KCNK13: variants seen among roughly 807,000 people sequenced by gnomAD.
The protein encoded by KCNK13 is potassium channel subfamily K member 13.
Under a neutral mutation model 23.4 loss-of-function variants are expected in KCNK13, and 12 were observed. The ratio of observed to expected loss-of-function variants is 0.51; its 90% CI spans 0.33 to 0.83. KCNK13 has a LOEUF of 0.83. Ranked by LOEUF, KCNK13 falls within the 40% of genes least tolerant of loss-of-function variation. The probability of loss-of-function intolerance (pLI) is 0.02; values close to 1 mark genes in which losing one functional copy is unlikely to be tolerated. For synonymous variants in KCNK13, 231 were observed against 229.5 expected (o/e 1.01, Z -0.06); for missense variants, 463 against 556.3 (o/e 0.83, Z 1.69).
At chr14:90,069,413 A>G (rs1305478365) in intron 1 of KCNK13, among the ~76,000 whole-genome samples, 1 of 152,070 alleles carries the variant, frequency 6.6e-6, no homozygotes, top group Non-Finnish European at 1.5e-5. Context: ...TTGGCTCTGC[A>G]TGGCTGTACT....
chr14:90,083,921 C>A (rs1889241710), intron 1 of KCNK13, among the ~76,000 whole-genome samples: 1 of 152,118 alleles, frequency 6.6e-6, no homozygotes, highest in Non-Finnish European at 1.5e-5. Context: ...GCACACTTGA[C>A]AAAAATCACT....
chr14:90,152,230 G>A lies in KCNK13; in HGVS notation c.335-31881G>A, dbSNP rs144021079. On this transcript the variant is annotated intron_variant, in intron 1 of 1. Coordinates refer to ENST00000282146, the MANE Select transcript of KCNK13 (RefSeq NM_022054.4). The stretch of plus-strand genomic sequence containing the variant: ...TTTCCCTGCACACATTCTCTTGCCC[G>A]CTACCATGTAAGACATGCCTTTGCG... Among the ~76,000 whole-genome samples the A allele has an allele frequency of 3.2e-3, 489 of 152,234 alleles. 3 individuals are homozygous for A. Among genetic ancestry groups the A allele is most frequent in the Non-Finnish European group, 5.0e-3 (343 of 68,020 alleles).
chr14:90,121,746 G>A (rs1889741348), intron 1 of KCNK13, among the ~76,000 whole-genome samples: 1 of 151,980 alleles, frequency 6.6e-6, no homozygotes, highest in Non-Finnish European at 1.5e-5. Flanking sequence ...TTTTGAGACA[G>A]TCTCGCTCTG....
intron 1 of KCNK13, among the ~76,000 whole-genome samples, chr14:90,109,191 G>T (rs1034810056): frequency 7.0e-6 from 1 of 143,428 alleles, no homozygotes. Flanking sequence ...AAAAAAAAAA[G>T]AATCCCTTAT....
intron 1 of KCNK13, among the ~76,000 whole-genome samples, chr14:90,088,988 A>G (rs1057282962): frequency 6.6e-6 from 1 of 152,208 alleles, no homozygotes; most frequent in Non-Finnish European, 1.5e-5. Flanking sequence ...ACGTAAGTCC[A>G]TTAAACCTTT....
At chr14:90,117,041 A>C (rs939532622) in intron 1 of KCNK13, among the ~76,000 whole-genome samples, 7 of 152,200 alleles carry the variant, frequency 4.6e-5, no homozygotes, top group African/African-American at 1.7e-4. Context: ...ATTAACAACA[A>C]TAACTAAGAA....
rs75624308 is a variant in KCNK13 at position 90,128,979 on chromosome 14, C to T, written c.335-55132C>T. On this transcript the variant is annotated intron_variant, in intron 1 of 1. Transcript: ENST00000282146. Reference sequence around the variant, plus strand: ...CCCCGCCCCCTAAGAGGGACCACTACCCTGAACTGGGTAATTATCATTCTT... The same window carrying T: ...CCCCGCCCCCTAAGAGGGACCACTATCCTGAACTGGGTAATTATCATTCTT... 1.2e-4 allele frequency among the ~76,000 whole-genome samples: 19 copies of T among 152,288 alleles called. No homozygotes were observed. The East Asian group carries it at 3.7e-3, about 29-fold the overall frequency.
At chr14:90,130,912 C>T (rs749973555) in intron 1 of KCNK13, among the ~76,000 whole-genome samples, 6 of 152,180 alleles carry the variant, frequency 3.9e-5, no homozygotes, top group African/African-American at 1.4e-4. Context: ...TGGTGGGAAC[C>T]GTATCAGCTT....
chr14:90,079,944 G>A (rs781532367), intron 1 of KCNK13, among the ~76,000 whole-genome samples: 3 of 152,144 alleles, frequency 2.0e-5, no homozygotes, highest in Non-Finnish European at 2.9e-5. Flanking sequence ...AAGTGGAGAA[G>A]GAAACAGGTC....
rs546423368 is a variant in KCNK13, at chr14:90,101,790, C to CAAAAAAAAAAAAAAAAAAAA, written c.334+39254_334+39273dup. On this transcript the variant is annotated intron_variant, in intron 1 of 1. Coordinates refer to ENST00000282146, the MANE Select transcript of KCNK13 (RefSeq NM_022054.4). ...GGGCAACAGAGTGAGACTCCGTCTC[C>CAAAAAAAAAAAAAAAAAAAA]AAAAAAAAAAAAAAAAAAAAAACCT... Among the ~76,000 whole-genome samples, 51 of 55,558 alleles carry CAAAAAAAAAAAAAAAAAAAA rather than the reference C, an allele frequency of 9.2e-4. 2 individuals carry two copies. Among genetic ancestry groups the CAAAAAAAAAAAAAAAAAAAA allele is most frequent in the African/African-American group, 2.0e-3 (31 of 15,150 alleles). 36.4% of individuals were successfully genotyped at this position (55,558 alleles called of 152,430 possible).
At chr14:90,172,928 C>T (rs962893100) in intron 1 of KCNK13, among the ~76,000 whole-genome samples, 3 of 152,202 alleles carry the variant, frequency 2.0e-5, no homozygotes, top group African/African-American at 7.2e-5. Flanking sequence ...GTGAAACCCA[C>T]TGCCCTTGCA....
rs773428768 is a variant in KCNK13, at chr14:90,184,976, G to A, written c.1200G>A (p.Arg400=). Residue 400 remains arginine (R), a synonymous_variant, in exon 2 of 2, where the codon AGG becomes AGA. Transcript: ENST00000282146. This position sits in a 1 kb window ranked among gnomAD's most constrained non-coding sequence, Gnocchi z 5.6. ...GVGAFAIMNN[R]LAETSGDR is the part of the protein sequence containing the mutation. ...GAGCCTTTGCAATCATGAACAACAGGTTGGCAGAGACCAGTGGGGACAGGT... is the reference window on the plus strand; with the variant it reads ...GAGCCTTTGCAATCATGAACAACAGATTGGCAGAGACCAGTGGGGACAGGT... The A allele has an allele frequency of 2.9e-5, 47 of 1,602,556 alleles. No individual in the cohort carries two copies. Among genetic ancestry groups the A allele is most frequent in the Non-Finnish European group, 3.9e-5 (46 of 1,173,658 alleles).
chr14:90,148,020 G>A (rs142000051), intron 1 of KCNK13, among the ~76,000 whole-genome samples: 21 of 152,190 alleles, frequency 1.4e-4, no homozygotes, highest in South Asian at 6.2e-4. Flanking sequence ...AGTATTAGCC[G>A]AGCGTGGTGG....
chr14:90,181,080 C>T (rs1363975659), intron 1 of KCNK13, among the ~76,000 whole-genome samples: 2 of 152,176 alleles, frequency 1.3e-5, no homozygotes, highest in African/African-American at 2.4e-5. Flanking sequence ...TAGTCTTGAT[C>T]TCCTGACCTC....
At chr14:90,124,316 G>T (rs775919179) in intron 1 of KCNK13, among the ~76,000 whole-genome samples, 3 of 152,222 alleles carry the variant, frequency 2.0e-5, no homozygotes, top group Non-Finnish European at 2.9e-5. Flanking sequence ...CCCAAGACAG[G>T]TTCCATTCCC....
intron 1 of KCNK13, among the ~76,000 whole-genome samples, chr14:90,092,417 T>C (rs1206420791): frequency 1.3e-5 from 2 of 152,022 alleles, no homozygotes; most frequent in Non-Finnish European, 2.9e-5. Flanking sequence ...ATGGGGAAAA[T>C]GTAGGTTATG....
intron 1 of KCNK13, among the ~76,000 whole-genome samples, chr14:90,068,320 C>G (rs1006271613): frequency 2.0e-5 from 3 of 151,744 alleles, no homozygotes. Context: ...TTGGGCCCAG[C>G]GGGGTGGCTC....
chr14:90,161,371 G>A (rs1566649248), intron 1 of KCNK13, among the ~76,000 whole-genome samples: 1 of 152,056 alleles, frequency 6.6e-6, no homozygotes, highest in Non-Finnish European at 1.5e-5. Flanking sequence ...GATGGCTAGT[G>A]GTGATTGTAC....
intron 1 of KCNK13, among the ~76,000 whole-genome samples, chr14:90,093,053 C>T (rs1198250876): frequency 6.6e-6 from 1 of 152,014 alleles, no homozygotes; most frequent in Admixed American, 6.6e-5. Flanking sequence ...AAATAGGGGC[C>T]CCAATTCCAG....
Sources: allele counts gnomAD v4.1 joint callset (sites outside exome capture counted in the v4.1 genomes callset), GRCh38; gene constraint gnomAD v4.1.1; non-coding constraint Gnocchi (gnomAD v3.1); transcripts MANE v1.5; gene names NCBI Gene and HGNC (gene_info 2026-07-23, HGNC 2026-07-21).